XYLB: variants seen among roughly 807,000 people sequenced by gnomAD.
The protein encoded by XYLB is xylulokinase, also known as xylulose kinase.
A neutral mutation model predicts 78.7 loss-of-function variants in XYLB; 62 were observed. That is an observed-to-expected ratio of 0.79 (90% confidence interval 0.64 to 0.97). XYLB has a LOEUF of 0.97. Among genes scored for constraint, XYLB ranks in the 50% least tolerant of loss-of-function variants. The pLI, the probability that XYLB is intolerant of heterozygous loss-of-function variation, is 0.00. For synonymous variants in XYLB, 245 were observed against 247.4 expected, an observed-to-expected ratio of 0.99 and a Z score of 0.09; for missense variants, 687 against 676.8, an observed-to-expected ratio of 1.02 and a Z score of -0.17.
chr3:38,431,564 C>G, the XYLB span, among the ~76,000 whole-genome samples: 1 of 152,174 alleles, frequency 6.6e-6, no homozygotes, highest in South Asian at 2.1e-4. Flanking sequence ...CCTGATTGCC[C>G]TGGCCAGAAC....
chr3:38,395,662 C>T, intron 16 of XYLB, 99 bp downstream of exon 16: 3 of 1,290,472 alleles, frequency 2.3e-6, no homozygotes, highest in East Asian at 2.4e-5. Flanking sequence ...ATTCCCACTC[C>T]TGCAGGAATG....
chr3:38,376,209 A>G lies in XYLB; in HGVS notation c.1097A>G (p.Glu366Gly). ...TTCTCTAAGGCACTGCAGTCCACAG[A>G]GATGGGCAACGGTGGAAACCTGGGT... is the stretch of plus-strand genomic sequence containing the variant. ...SDFSKALQST[E>G]MGNGGNLGFY... The change falls in exon 13 of 19, where the codon GAG becomes GGG. Residue 366 changes from glutamate (E) to glycine (G), a missense_variant. Glu to Gly is a moderately conservative substitution (Grantham distance 98). Transcript: ENST00000207870. 6.2e-7 allele frequency: 1 copy of G among 1,613,700 alleles called. No individual in the cohort carries two copies. The highest frequency in any genetic ancestry group is 8.5e-7 in the Non-Finnish European group (1 of 1,179,588).
At chr3:38,370,330 G>T in intron 9 of XYLB, 156 bp downstream of exon 9, 1 of 614,136 alleles carries the variant, frequency 1.6e-6, no homozygotes, top group Non-Finnish European at 2.9e-6. Context: ...CTTCAGTTTA[G>T]CCTAAGATGT....
intron 11 of XYLB, among the ~76,000 whole-genome samples, chr3:38,374,936 T>A (rs1374704697): frequency 1.3e-5 from 2 of 152,162 alleles, no homozygotes; most frequent in Non-Finnish European, 2.9e-5. Context: ...GCACAGAAGA[T>A]CCATGAGATC....
At chr3:38,372,601 G>C (rs1706626841) in intron 9 of XYLB, 54 bp from the exon 10 acceptor site, 1 of 1,613,102 alleles carries the variant, frequency 6.2e-7, no homozygotes, top group Non-Finnish European at 8.5e-7. Context: ...TGGCTGTGCT[G>C]GGCAGGCGGG....
At position 38,384,924 on chromosome 3, in the gene XYLB, C is replaced by G. The variant is rs918689343; in HGVS notation, c.1291+5582C>G. 2.6e-5 allele frequency among the ~76,000 whole-genome samples: 4 copies of G among 152,134 alleles called. No homozygotes were observed. In the East Asian group the frequency reaches 7.7e-4, roughly 29 times the overall value. ...GGTCTACCTTTTTGTTTTCTAATGA[C>G]TGGCATGAGGTCTGATAAATTATTT... On this transcript the variant is annotated intron_variant, in intron 15 of 18. Transcript: ENST00000207870.
chr3:38,363,874 C>T (rs920443835), intron 4 of XYLB, among the ~76,000 whole-genome samples: 1 of 152,188 alleles, frequency 6.6e-6, no homozygotes, highest in East Asian at 1.9e-4. Context: ...TTTCTCCATG[C>T]TGGATTACTG....
chr3:38,440,726 A>G, the XYLB span, among the ~76,000 whole-genome samples: 1 of 152,182 alleles, frequency 6.6e-6, no homozygotes, highest in South Asian at 2.1e-4. Context: ...GAAGACCTTC[A>G]ATTATCAATT....
chr3:38,415,611 C>T (rs1346536624), downstream of XYLB, among the ~76,000 whole-genome samples: 7 of 152,006 alleles, frequency 4.6e-5, no homozygotes, highest in Admixed American at 2.6e-4. Context: ...GGTGAAACCC[C>T]GTCTTTACTA....
the XYLB span, among the ~76,000 whole-genome samples, chr3:38,439,339 G>A: frequency 1.1e-4 from 17 of 152,108 alleles, no homozygotes; most frequent in African/African-American, 3.9e-4. Flanking sequence ...TGACAGCCTC[G>A]ATCCTACAGG....
chr3:38,353,260 T>G (rs1705465224), intron 2 of XYLB, among the ~76,000 whole-genome samples: 1 of 152,180 alleles, frequency 6.6e-6, no homozygotes, highest in South Asian at 2.1e-4. Context: ...AACTTTAATT[T>G]TTCCCAGATG....
intron 18 of XYLB, among the ~76,000 whole-genome samples, chr3:38,403,273 G>A (rs1708187528): frequency 1.4e-5 from 2 of 144,570 alleles, no homozygotes; most frequent in Non-Finnish European, 3.0e-5. Flanking sequence ...CAGCCTGGGC[G>A]ACAGAGACCC....
chr3:38,348,092 T>C (rs1705167150), intron 1 of XYLB, among the ~76,000 whole-genome samples: 1 of 152,200 alleles, frequency 6.6e-6, no homozygotes. Context: ...GACATTAATG[T>C]CTCTGGACCA....
chr3:38,388,181 T>TG (rs200134802), intron 15 of XYLB, among the ~76,000 whole-genome samples: 2,220 of 150,718 alleles, frequency 0.015, 28 homozygotes, highest in South Asian at 0.019. Context: ...TTTTTTTTTT[T>TG]TTTTTTTTTT....
rs572095855 is a variant in XYLB at position 38,359,609 on chromosome 3, T to C, written c.141-730T>C. On this transcript the variant is annotated intron_variant, in intron 2 of 18. Transcript: ENST00000207870. ...TTGCTCTGTAGTATGATATCACAAA[T>C]ATACACCACGATTTATCTGTTCACT... 2.6e-5 allele frequency among the ~76,000 whole-genome samples: 4 copies of C among 152,366 alleles called. No homozygotes were observed. The South Asian group carries it at 8.3e-4, about 32-fold the overall frequency.
chr3:38,370,212 C>T (rs377678498), intron 9 of XYLB, 38 bp downstream of exon 9: 1 of 1,429,976 alleles, frequency 7.0e-7, no homozygotes, highest in African/African-American at 1.4e-5. Context: ...CATTTAAGAG[C>T]TGGCAGCTAC....
intron 15 of XYLB, among the ~76,000 whole-genome samples, chr3:38,393,553 C>G (rs1208922942): frequency 1.3e-5 from 2 of 152,148 alleles, no homozygotes; most frequent in Non-Finnish European, 2.9e-5. Flanking sequence ...GCTAGGGCTG[C>G]CATAAGAATG....
the XYLB span, among the ~76,000 whole-genome samples, chr3:38,443,091 G>A: frequency 3.3e-5 from 5 of 152,354 alleles, 1 homozygote; most frequent in South Asian, 1.0e-3. Flanking sequence ...AATTGAGGAG[G>A]TGGGAGAAAT....
the XYLB span, chr3:38,452,925 G>A: frequency 6.6e-6 from 1 of 152,206 alleles, no homozygotes; most frequent in African/African-American, 2.4e-5. Flanking sequence ...GATGTGCCAA[G>A]TCAAGAGAAG....
Sources: gnomAD v4.1 joint callset for allele counts (sites outside exome capture counted in the v4.1 genomes callset) on GRCh38, gnomAD v4.1.1 for gene constraint, MANE v1.5 for transcripts, NCBI Gene and HGNC (gene_info 2026-07-23, HGNC 2026-07-21) for gene names.